CSMD1: variants seen among roughly 807,000 people sequenced by gnomAD.
The protein encoded by CSMD1 is CUB and sushi domain-containing protein 1.
CSMD1 carries 213 observed loss-of-function variants against 417.5 expected under a neutral mutation model. That is an observed-to-expected ratio of 0.51 (90% CI 0.46 to 0.57). The LOEUF (loss-of-function observed/expected upper bound fraction) is 0.57. CSMD1 is among the 20% of genes least tolerant of loss of function. The pLI is 0.00. For synonymous variants in CSMD1, 2,862 were observed against 1,736.8 expected, an observed-to-expected ratio of 1.65 and a Z score of -16.11; for missense variants, 6,923 against 4,529.7, an observed-to-expected ratio of 1.53 and a Z score of -15.17.
At chr8:3,000,237 A>G (rs1336902976) in intron 52 of CSMD1, 106 bp from the exon 53 acceptor site, 8 of 601,508 alleles carry the variant, frequency 1.3e-5, no homozygotes, top group Non-Finnish European at 1.6e-5. Context: ...AAGGCGCAAC[A>G]TATTGAAATC....
chr8:4,725,140 A>C (rs1371955988), intron 1 of CSMD1, among the ~76,000 whole-genome samples: 1 of 152,316 alleles, frequency 6.6e-6, no homozygotes, highest in Non-Finnish European at 1.5e-5. Context: ...ACACATTATA[A>C]AAGTGTACCT....
At chr8:3,964,709 T>G (rs1812555037) in intron 5 of CSMD1, among the ~76,000 whole-genome samples, 1 of 152,222 alleles carries the variant, frequency 6.6e-6, no homozygotes, top group Non-Finnish European at 1.5e-5. Flanking sequence ...AATAAACGCT[T>G]CAAAATCCAT....
At chr8:3,066,664 G>C (rs78805524) in intron 49 of CSMD1, among the ~76,000 whole-genome samples, 1 of 152,082 alleles carries the variant, frequency 6.6e-6, no homozygotes, top group South Asian at 2.1e-4. Flanking sequence ...GGACACAATC[G>C]TATTTGTCAA....
chr8:4,197,737 G>A (rs1224960926), intron 3 of CSMD1, among the ~76,000 whole-genome samples: 1 of 152,120 alleles, frequency 6.6e-6, no homozygotes, highest in Non-Finnish European at 1.5e-5. Flanking sequence ...AAATTAGCTG[G>A]GCATGGTGGT....
At chr8:4,100,805 A>G (rs1801266015) in intron 3 of CSMD1, among the ~76,000 whole-genome samples, 1 of 152,208 alleles carries the variant, frequency 6.6e-6, no homozygotes, top group African/African-American at 2.4e-5. Flanking sequence ...CAAAAAATAA[A>G]AAGTTAAAAG....
At chr8:4,124,664 G>A (rs561590968) in intron 3 of CSMD1, among the ~76,000 whole-genome samples, 17 of 152,332 alleles carry the variant, frequency 1.1e-4, no homozygotes, top group Admixed American at 1.1e-3. Context: ...GGACTAAGTG[G>A]CTAATCTGGC....
intron 25 of CSMD1, among the ~76,000 whole-genome samples, chr8:3,300,954 G>C (rs1563245412): frequency 3.3e-5 from 2 of 59,744 alleles, no homozygotes; most frequent in Non-Finnish European, 5.7e-5. Flanking sequence ...GTGAGACTCT[G>C]TCTCAAAAAA....
chr8:4,802,174 T>C (rs975497582), intron 1 of CSMD1, among the ~76,000 whole-genome samples: 34 of 152,218 alleles, frequency 2.2e-4, no homozygotes, highest in African/African-American at 7.2e-4. Flanking sequence ...CTCATTTAGA[T>C]TAGTTATGCT....
intron 7 of CSMD1, among the ~76,000 whole-genome samples, chr8:3,636,647 G>T (rs916798053): frequency 1.3e-5 from 2 of 152,118 alleles, no homozygotes; most frequent in Non-Finnish European, 1.5e-5. Context: ...AAATCATGAC[G>T]CAGAGATGCT....
At chr8:3,423,576 C>T (rs898921624) in intron 12 of CSMD1, among the ~76,000 whole-genome samples, 8 of 152,110 alleles carry the variant, frequency 5.3e-5, no homozygotes, top group Non-Finnish European at 1.2e-4. Context: ...ATCTTATCAC[C>T]AGCTGACTCA....
At chr8:4,836,371 A>T (rs1305507277) in intron 1 of CSMD1, among the ~76,000 whole-genome samples, 1 of 152,208 alleles carries the variant, frequency 6.6e-6, no homozygotes, top group Non-Finnish European at 1.5e-5. Flanking sequence ...GCCATGCCAC[A>T]TCTTGCTGAC....
intron 2 of CSMD1, among the ~76,000 whole-genome samples, chr8:4,584,533 G>T (rs1422781151): frequency 6.6e-6 from 1 of 152,104 alleles, no homozygotes; most frequent in Non-Finnish European, 1.5e-5. Context: ...CTTCGGAGTT[G>T]GGACCGTTGG....
intron 6 of CSMD1, among the ~76,000 whole-genome samples, chr8:3,732,167 C>G (rs564288319): frequency 2.0e-5 from 3 of 152,186 alleles, no homozygotes; most frequent in Non-Finnish European, 4.4e-5. Flanking sequence ...TCAGGTCACT[C>G]GTGGTGGTTG....
At chr8:3,601,289 C>A (rs1436724174) in intron 8 of CSMD1, among the ~76,000 whole-genome samples, 3 of 152,198 alleles carry the variant, frequency 2.0e-5, no homozygotes, top group Non-Finnish European at 4.4e-5. Flanking sequence ...TGCGGGGAAA[C>A]AAATCAGCTG....
At chr8:4,671,526 G>T (rs1563110234) in intron 1 of CSMD1, among the ~76,000 whole-genome samples, 2 of 152,144 alleles carry the variant, frequency 1.3e-5, no homozygotes, top group Admixed American at 6.5e-5. Flanking sequence ...TGACTGGCCA[G>T]CTTCCAAATA....
intron 54 of CSMD1, among the ~76,000 whole-genome samples, chr8:2,988,228 C>G (rs1806093106): frequency 6.6e-6 from 1 of 151,822 alleles, no homozygotes; most frequent in Admixed American, 6.6e-5. Flanking sequence ...TTTTTGATTC[C>G]TCTACCCTAA....
intron 3 of CSMD1, among the ~76,000 whole-genome samples, chr8:4,317,677 C>A (rs1256309765): frequency 6.6e-6 from 1 of 151,948 alleles, no homozygotes; most frequent in East Asian, 1.9e-4. Context: ...ATCAATAGTT[C>A]TTTATAGACT....
intron 3 of CSMD1, among the ~76,000 whole-genome samples, chr8:4,083,929 C>T (rs941768531): frequency 3.3e-5 from 5 of 152,090 alleles, no homozygotes; most frequent in Non-Finnish European, 5.9e-5. Context: ...AGAAAACTTT[C>T]GCAACCTACT....
chr8:2,957,926 C>G (rs1191869741), intron 62 of CSMD1, 119 bp from the exon 63 acceptor site: 15 of 671,436 alleles, frequency 2.2e-5, no homozygotes, highest in South Asian at 7.1e-5. Context: ...AGGTTAATGT[C>G]AAGCCACTGT....
Sources: gnomAD v4.1 joint callset for allele counts (sites outside exome capture counted in the v4.1 genomes callset) on GRCh38, gnomAD v4.1.1 for gene constraint, MANE v1.5 for transcripts, NCBI Gene and HGNC (gene_info 2026-07-23, HGNC 2026-07-21) for gene names.